Variants in MND1 observed in about 807,000 individuals in gnomAD.
The protein encoded by MND1 is meiotic nuclear division protein 1 homolog.
Under a neutral mutation model 35.1 loss-of-function variants are expected in MND1, and 28 were observed. The ratio of observed to expected loss-of-function variants is 0.80; its 90% confidence interval spans 0.59 to 1.09. The LOEUF (loss-of-function observed/expected upper bound fraction) is 1.09, where lower values mean the gene tolerates loss of function less well. Among genes scored for constraint, MND1 ranks in the 50% least tolerant of loss-of-function variants. MND1 has a pLI of 0.00. For missense variants in MND1, 213 were observed against 239.6 expected, an observed-to-expected ratio of 0.89 and a Z score of 0.73; for synonymous variants, 69 against 70.5, an observed-to-expected ratio of 0.98 and a Z score of 0.11.
At chr4:153,371,976 GT>G (rs1773800228) in intron 4 of MND1, among the ~76,000 whole-genome samples, 1 of 151,984 alleles carries the variant, frequency 6.6e-6, no homozygotes, top group Non-Finnish European at 1.5e-5. Context: ...TTTCAATATT[GT>G]TTTGTCTCAA....
At chr4:153,390,889 A>ATATGTGTGTGTGTGTGTGTG (rs757236550) in intron 4 of MND1, among the ~76,000 whole-genome samples, 1 of 139,774 alleles carries the variant, frequency 7.2e-6, no homozygotes, top group African/African-American at 2.6e-5. Context: ...AGGTATATAT[A>ATATGTGTGTGTGTGTGTGTG]TGTGTGTGTG....
At chr4:153,391,600 G>A (rs1484559435) in intron 4 of MND1, among the ~76,000 whole-genome samples, 1 of 151,572 alleles carries the variant, frequency 6.6e-6, no homozygotes, top group African/African-American at 2.4e-5. Context: ...GGTGGTGGGT[G>A]CCTGTAATCC....
At chr4:153,387,131 T>C (rs558005316) in intron 4 of MND1, among the ~76,000 whole-genome samples, 1 of 152,338 alleles carries the variant, frequency 6.6e-6, no homozygotes, top group South Asian at 2.1e-4. Context: ...AACCATTGCT[T>C]AGATTTAGTG....
In MND1 at chr4:153,409,133, A is replaced by G. The variant is rs148582562; in HGVS notation, c.511+118A>G. ...AAGAAAGGACGTTAATGAAAAATGT[A>G]TGCATTACTCAAATGTTTACATATT... On this transcript the variant is annotated intron_variant, in intron 7 of 7. Coordinates refer to ENST00000240488, the MANE Select transcript of MND1 (RefSeq NM_032117.4). The G allele has an allele frequency of 8.3e-3, 3,344 of 403,780 alleles. 34 individuals carry two copies. The highest frequency in any genetic ancestry group is 0.011 in the Non-Finnish European group (2,574 of 234,568). The allele number at this position is 403,780 out of a possible 1,614,324, so 25.0% of individuals were successfully genotyped here.
intron 6 of MND1, among the ~76,000 whole-genome samples, chr4:153,408,219 A>G (rs570706144): frequency 1.8e-4 from 28 of 152,332 alleles, no homozygotes; most frequent in Non-Finnish European, 2.6e-4. Flanking sequence ...GCAGTGAGCT[A>G]TGATCACACC....
intron 4 of MND1, among the ~76,000 whole-genome samples, chr4:153,386,824 C>G (rs954211669): frequency 6.6e-6 from 1 of 152,080 alleles, no homozygotes; most frequent in East Asian, 1.9e-4. Flanking sequence ...AGTATAATCC[C>G]CTACATGTTT....
intron 4 of MND1, among the ~76,000 whole-genome samples, chr4:153,378,938 T>C (rs1728584863): frequency 1.3e-5 from 2 of 152,212 alleles, no homozygotes; most frequent in African/African-American, 4.8e-5. Context: ...CTCCACTGAT[T>C]TAGCATACTT....
chr4:153,374,414 A>G (rs1728435714), intron 4 of MND1, among the ~76,000 whole-genome samples: 1 of 152,192 alleles, frequency 6.6e-6, no homozygotes, highest in Non-Finnish European at 1.5e-5. Flanking sequence ...GAAAAGTAAT[A>G]CATGCCAGAC....
At chr4:153,408,026 A>G (rs1729570678) in intron 6 of MND1, among the ~76,000 whole-genome samples, 1 of 152,206 alleles carries the variant, frequency 6.6e-6, no homozygotes, top group African/African-American at 2.4e-5. Flanking sequence ...CTGTAATCCC[A>G]GCACTTTAGG....
intron 4 of MND1, among the ~76,000 whole-genome samples, chr4:153,376,833 A>C (rs1728524089): frequency 6.6e-6 from 1 of 151,970 alleles, no homozygotes; most frequent in Non-Finnish European, 1.5e-5. Context: ...GGCTTACTCA[A>C]CCCCATGTCT....
intron 1 of MND1, among the ~76,000 whole-genome samples, chr4:153,346,129 A>G (rs1773072445): frequency 6.6e-6 from 1 of 152,214 alleles, no homozygotes; most frequent in African/African-American, 2.4e-5. Context: ...GTCAAAGGTA[A>G]ACTTTTGATT....
intron 3 of MND1, 132 bp downstream of exon 3, chr4:153,355,843 A>C: frequency 1.6e-6 from 1 of 630,738 alleles, no homozygotes; most frequent in East Asian, 2.8e-5. Context: ...TTCTAGAGAC[A>C]AAGAAATCAT....
chr4:153,375,004 C>T (rs1308824437), intron 4 of MND1, among the ~76,000 whole-genome samples: 10 of 152,064 alleles, frequency 6.6e-5, no homozygotes, highest in Admixed American at 1.3e-4. Flanking sequence ...ATTGGTAAGG[C>T]AAAATGAATT....
intron 4 of MND1, among the ~76,000 whole-genome samples, chr4:153,366,566 C>T (rs767659474): frequency 2.6e-5 from 4 of 152,174 alleles, no homozygotes; most frequent in East Asian, 1.9e-4. Flanking sequence ...ATTTAACCAA[C>T]GGCTTCACTA....
intron 4 of MND1, among the ~76,000 whole-genome samples, chr4:153,363,563 A>C (rs1483511304): frequency 6.6e-6 from 1 of 152,148 alleles, no homozygotes; most frequent in Non-Finnish European, 1.5e-5. Context: ...ATGTTTTTTG[A>C]GTAACAGAAG....
At chr4:153,378,340 T>C (rs1461620041) in intron 4 of MND1, among the ~76,000 whole-genome samples, 1 of 152,174 alleles carries the variant, frequency 6.6e-6, no homozygotes, top group Non-Finnish European at 1.5e-5. Flanking sequence ...ATTTTTAACT[T>C]TTTTTTCTAC....
At position 153,408,570 on chromosome 4, in the gene MND1, A is replaced by T. The variant is rs1729585919; in HGVS notation, c.467-401A>T. 1.3e-5 allele frequency among the ~76,000 whole-genome samples: 2 copies of T among 152,258 alleles called. 1 individual carries two copies. The highest frequency in any genetic ancestry group is 4.1e-4 in the South Asian group (2 of 4,828). The stretch of plus-strand genomic sequence containing the variant: ...CACTTATTGTGGTCTTATAATGCCT[A>T]TATAGTAAAATTCTTATCGTTAAAT... On this transcript the variant is annotated intron_variant, in intron 6 of 7. Transcript: ENST00000240488.
intron 7 of MND1, among the ~76,000 whole-genome samples, chr4:153,414,427 G>A (rs756239854): frequency 5.9e-5 from 9 of 151,760 alleles, no homozygotes; most frequent in Non-Finnish European, 1.0e-4. Flanking sequence ...GATTACAGGT[G>A]CCCGCCACCA....
intron 4 of MND1, among the ~76,000 whole-genome samples, chr4:153,360,703 T>C (rs896116758): frequency 1.3e-4 from 19 of 148,338 alleles, no homozygotes; most frequent in Non-Finnish European, 2.8e-4. Context: ...ATAAATATTT[T>C]TGTGTGTGTG....
Sources: allele counts gnomAD v4.1 joint callset (sites outside exome capture counted in the v4.1 genomes callset), GRCh38; gene constraint gnomAD v4.1.1; transcripts MANE v1.5; gene names NCBI Gene and HGNC (gene_info 2026-07-23, HGNC 2026-07-21).